The following ASAP1 variants were observed in gnomAD, a reference collection of about 807,000 sequenced individuals.
The protein encoded by ASAP1 is ArfGAP with SH3 domain, ankyrin repeat and PH domain 1, also known as arf-GAP with SH3 domain, ANK repeat and PH domain-containing protein 1.
ASAP1 carries 43 observed loss-of-function variants against 145.2 expected under a neutral mutation model. The ratio of observed to expected loss-of-function variants is 0.30; its 90% CI spans 0.23 to 0.38. ASAP1 has a LOEUF of 0.38. Ranked by LOEUF, ASAP1 falls within the 10% of genes least tolerant of loss-of-function variation. ASAP1 has a pLI of 1.00. For missense variants in ASAP1, 1,018 were observed against 1,355.3 expected (o/e 0.75, Z 3.91); for synonymous variants, 546 against 515.5 (o/e 1.06, Z -0.80).
intron 3 of ASAP1, among the ~76,000 whole-genome samples, chr8:130,299,240 G>A (rs920456406): frequency 3.9e-5 from 6 of 152,194 alleles, no homozygotes; most frequent in African/African-American, 1.2e-4. Flanking sequence ...CCTGTGCTTT[G>A]TGCAGATGTG....
At chr8:130,384,156 T>C (rs1485358545) in intron 2 of ASAP1, among the ~76,000 whole-genome samples, 1 of 152,176 alleles carries the variant, frequency 6.6e-6, no homozygotes, top group East Asian at 1.9e-4. Context: ...AAGGAGATTA[T>C]GGCAACCCAA....
chr8:130,400,079 C>G (rs1159495286), intron 2 of ASAP1, among the ~76,000 whole-genome samples: 1 of 152,138 alleles, frequency 6.6e-6, no homozygotes, highest in Non-Finnish European at 1.5e-5. Context: ...CTCGGCCTCC[C>G]AAAGTGCTGG....
At chr8:130,069,735 GT>G (rs1181458412) in intron 27 of ASAP1, 2 of 152,158 alleles carry the variant, frequency 1.3e-5, no homozygotes, top group African/African-American at 4.8e-5. Context: ...CCCTAACCCA[GT>G]TTACTGTATT....
At chr8:130,411,691 G>A (rs1829272662) in intron 1 of ASAP1, among the ~76,000 whole-genome samples, 1 of 152,208 alleles carries the variant, frequency 6.6e-6, no homozygotes, top group Admixed American at 6.5e-5. Context: ...CCAGCATAAA[G>A]CAGGTGTACA....
chr8:130,141,691 C>T (rs1445538448), intron 13 of ASAP1, among the ~76,000 whole-genome samples: 4 of 152,070 alleles, frequency 2.6e-5, no homozygotes, highest in Admixed American at 6.5e-5. Flanking sequence ...GCACTATATG[C>T]GCACGCTACC....
At chr8:130,151,214 T>C (rs2097645497) in intron 13 of ASAP1, among the ~76,000 whole-genome samples, 1 of 150,742 alleles carries the variant, frequency 6.6e-6, no homozygotes. Flanking sequence ...CTACTAAAAA[T>C]ACAAAAATTA....
At chr8:130,097,228 C>T (rs2135462960) in intron 24 of ASAP1, among the ~76,000 whole-genome samples, 1 of 148,696 alleles carries the variant, frequency 6.7e-6, no homozygotes, top group South Asian at 2.2e-4. Flanking sequence ...TCTGGAGGCA[C>T]TTCTGGGTCC....
At chr8:130,167,316 A>G (rs551073289) in intron 11 of ASAP1, 4 of 327,316 alleles carry the variant, frequency 1.2e-5, no homozygotes, top group South Asian at 1.2e-4. Flanking sequence ...AGAAAAAAGA[A>G]AAAAAAAAAA....
At chr8:130,442,647 T>C (rs1830524801) in intron 1 of ASAP1, among the ~76,000 whole-genome samples, 1 of 151,944 alleles carries the variant, frequency 6.6e-6, no homozygotes, top group Non-Finnish European at 1.5e-5. Context: ...TCCTGACGAG[T>C]ACAGGTAAAG....
intron 3 of ASAP1, among the ~76,000 whole-genome samples, chr8:130,267,770 T>C (rs1362968804): frequency 6.6e-6 from 1 of 152,236 alleles, no homozygotes; most frequent in Non-Finnish European, 1.5e-5. Flanking sequence ...TTGTGACTGA[T>C]ATATTTTCTC....
intron 3 of ASAP1, among the ~76,000 whole-genome samples, chr8:130,315,760 T>C (rs1823628662): frequency 1.3e-5 from 2 of 152,128 alleles, no homozygotes; most frequent in Admixed American, 6.5e-5. Flanking sequence ...ACAGAGGAAA[T>C]TGGAAAATGC....
chr8:130,367,029 C>A (rs904304186), intron 2 of ASAP1, among the ~76,000 whole-genome samples: 10 of 151,586 alleles, frequency 6.6e-5, no homozygotes, highest in African/African-American at 2.4e-4. Context: ...GAAGCTGAGA[C>A]CACAGGTGTG....
chr8:130,282,068 C>T (rs1007527233), intron 3 of ASAP1, among the ~76,000 whole-genome samples: 6 of 111,440 alleles, frequency 5.4e-5, no homozygotes, highest in Admixed American at 1.9e-4. Context: ...GACTCTGCCT[C>T]GAAAAAAAAA....
intron 9 of ASAP1, among the ~76,000 whole-genome samples, chr8:130,174,578 T>C (rs1412404917): frequency 6.6e-6 from 1 of 152,200 alleles, no homozygotes. Context: ...GCAACTAGGT[T>C]CAGAACTTTC....
At chr8:130,398,621 C>A (rs1828640440) in intron 2 of ASAP1, among the ~76,000 whole-genome samples, 1 of 152,078 alleles carries the variant, frequency 6.6e-6, no homozygotes, top group African/African-American at 2.4e-5. Context: ...ATACTACTAG[C>A]AATAGTAGTA....
chr8:130,082,224 T>C (rs956013341), intron 25 of ASAP1, among the ~76,000 whole-genome samples: 3 of 152,238 alleles, frequency 2.0e-5, no homozygotes, highest in African/African-American at 7.2e-5. Context: ...CTTTCAAATT[T>C]AGTTTTATTT....
chr8:130,204,715 G>A (rs148568361), intron 5 of ASAP1, among the ~76,000 whole-genome samples: 224 of 152,238 alleles, frequency 1.5e-3, no homozygotes, highest in African/African-American at 5.1e-3. Context: ...GCTTCCATGC[G>A]TCTAAGTCTC....
intron 23 of ASAP1, among the ~76,000 whole-genome samples, chr8:130,113,712 T>G (rs557210506): frequency 6.6e-6 from 1 of 152,246 alleles, no homozygotes; most frequent in African/African-American, 2.4e-5. Context: ...TTAGACAAGT[T>G]GCTAAATTCT....
intron 1 of ASAP1, among the ~76,000 whole-genome samples, chr8:130,408,412 A>G (rs6986163): frequency 0.33 from 49,458 of 152,006 alleles, 8,815 homozygotes; most frequent in African/African-American, 0.46. Flanking sequence ...TCTCTGCTTG[A>G]GCTGGGACAT....
Sources: allele counts gnomAD v4.1 joint callset (sites outside exome capture counted in the v4.1 genomes callset), GRCh38; gene constraint gnomAD v4.1.1; transcripts MANE v1.5; gene names NCBI Gene and HGNC (gene_info 2026-07-23, HGNC 2026-07-21).